Variants in HECW1 observed in about 807,000 individuals in gnomAD.
The protein encoded by HECW1 is E3 ubiquitin-protein ligase HECW1.
Under a neutral mutation model 182.3 loss-of-function variants are expected in HECW1, and 61 were observed. That is an observed-to-expected ratio of 0.33 (90% CI 0.27 to 0.41). The LOEUF (loss-of-function observed/expected upper bound fraction) is 0.41, where lower values mean the gene tolerates loss of function less well. Ranked by LOEUF, HECW1 falls within the 10% of genes least tolerant of loss-of-function variation. HECW1 has a pLI of 1.00. For missense variants in HECW1, 1,739 were observed against 2,108.9 expected (o/e 0.82, Z 3.44); for synonymous variants, 859 against 832.6 (o/e 1.03, Z -0.55).
intron 17 of HECW1, chr7:43,484,493 A>G (rs1249552939): frequency 6.6e-6 from 1 of 152,232 alleles, no homozygotes; most frequent in Non-Finnish European, 1.5e-5. Flanking sequence ...TTCTTAGACT[A>G]CAACTTACAA....
intron 2 of HECW1, among the ~76,000 whole-genome samples, chr7:43,140,802 G>A (rs1004473477): frequency 1.3e-5 from 2 of 152,124 alleles, no homozygotes; most frequent in Non-Finnish European, 2.9e-5. Context: ...TGAGGTCAAG[G>A]TTCCCACTGA....
chr7:43,172,618 CAA>C (rs1056353594), intron 2 of HECW1, among the ~76,000 whole-genome samples: 3 of 151,964 alleles, frequency 2.0e-5, no homozygotes, highest in Admixed American at 6.6e-5. Flanking sequence ...GAAAAATAAA[CAA>C]AAAGACATGA....
At chr7:43,225,233 C>A (rs535358670) in intron 2 of HECW1, among the ~76,000 whole-genome samples, 1 of 152,022 alleles carries the variant, frequency 6.6e-6, no homozygotes, top group Non-Finnish European at 1.5e-5. Context: ...TTACAACCAT[C>A]GAGTTAAAAA....
In HECW1 at chr7:43,563,805, G is replaced by T. The variant is rs184134487; in HGVS notation, c.*1879G>T. The T allele has an allele frequency of 7.2e-4, 128 of 177,902 alleles. No individual in the cohort carries two copies. The highest frequency in any genetic ancestry group is 2.8e-3 in the African/African-American group (117 of 42,364). 11.0% of individuals were successfully genotyped at this position (177,902 alleles called of 1,614,324 possible). ...AATCGCTCAAACCTGAGAAGCAGAG[G>T]TTGCAGTGAGCCAAGACTGTGCCAC... On this transcript the variant is annotated 3_prime_UTR_variant, in exon 30 of 30. Transcript: ENST00000395891.
At chr7:43,504,342 T>C (rs931728418) in intron 21 of HECW1, among the ~76,000 whole-genome samples, 1 of 152,236 alleles carries the variant, frequency 6.6e-6, no homozygotes, top group Non-Finnish European at 1.5e-5. Flanking sequence ...TCTCTTCCAA[T>C]GTGCTTGATC....
At chr7:43,350,797 T>C (rs147525678) in intron 5 of HECW1, among the ~76,000 whole-genome samples, 1 of 152,248 alleles carries the variant, frequency 6.6e-6, no homozygotes, top group Non-Finnish European at 1.5e-5. Flanking sequence ...TTTCCTTGCA[T>C]TGGGCTTCGC....
rs780403511 is a variant in HECW1 at position 43,492,077 on chromosome 7, C to T, written c.3237C>T (p.Ala1079=). The T allele has an allele frequency of 6.2e-7, 1 of 1,603,954 alleles. No homozygotes were observed. Among genetic ancestry groups the T allele is most frequent in the Non-Finnish European group, 8.5e-7 (1 of 1,174,852 alleles). ...QRLRSYSAGE[A]SEVSRNRGAS... ...TTATGCTTTTATTCTAAAATTAGGC[C>T]TCAGAAGTTTCTAGAAACAGAGGAG... Residue 1079 remains alanine, a splice_region_variant and synonymous_variant, in exon 18 of 30, where the codon GCC becomes GCT. Transcript: ENST00000395891.
chr7:43,394,934 A>G lies in HECW1; in HGVS notation c.556-1880A>G, dbSNP rs187699006. 4.9e-4 allele frequency among the ~76,000 whole-genome samples: 75 copies of G among 152,216 alleles called. 1 individual carries two copies. In the Middle Eastern group the frequency reaches 0.014, roughly 28 times the overall value. ...TAGTGGGTTGGAGGGGGTGGAAGCTAGTGAGCCAGGAATGCTGATTGGTCA... is the reference window on the plus strand; with the variant it reads ...TAGTGGGTTGGAGGGGGTGGAAGCTGGTGAGCCAGGAATGCTGATTGGTCA... On this transcript the variant is annotated intron_variant, in intron 6 of 29. Coordinates refer to ENST00000395891, the MANE Select transcript of HECW1 (RefSeq NM_015052.5).
intron 7 of HECW1, among the ~76,000 whole-genome samples, chr7:43,401,682 T>C (rs1321399043): frequency 6.7e-6 from 1 of 149,796 alleles, no homozygotes; most frequent in African/African-American, 2.5e-5. Context: ...TCTTCTGAGA[T>C]GCCAAAATAA....
At chr7:43,497,807 T>C (rs1372187612) in intron 19 of HECW1, among the ~76,000 whole-genome samples, 1 of 152,034 alleles carries the variant, frequency 6.6e-6, no homozygotes, top group East Asian at 1.9e-4. Context: ...TGCAGGTGAA[T>C]GGATAATGGC....
intron 3 of HECW1, among the ~76,000 whole-genome samples, chr7:43,298,968 A>G (rs1806387098): frequency 6.6e-6 from 1 of 152,248 alleles, no homozygotes; most frequent in African/African-American, 2.4e-5. Context: ...TCAAGCCTCA[A>G]ATGAAAAGGA....
chr7:43,378,310 A>G (rs7794076), intron 6 of HECW1, among the ~76,000 whole-genome samples: 90,615 of 152,182 alleles, frequency 0.6, 27,335 homozygotes, highest in African/African-American at 0.68. Context: ...CACAGTGACT[A>G]CTGGATGAGG....
At position 43,500,297 on chromosome 7, in the gene HECW1, A is replaced by G. The variant is rs189043621; in HGVS notation, c.3438-402A>G. Among the ~76,000 whole-genome samples, 150 of 152,068 alleles carry G rather than the reference A, an allele frequency of 9.9e-4. No individual in the cohort carries two copies. In the Middle Eastern group the frequency reaches 0.02, roughly 21 times the overall value. On this transcript the variant is annotated intron_variant, in intron 19 of 29. Coordinates refer to ENST00000395891, the MANE Select transcript of HECW1 (RefSeq NM_015052.5). Reference sequence around the variant, plus strand: ...GTATTGTTAGTAGAGACAAGGTTTCACCATATTCCTCAGGCTGGTCTTGAA... The same window carrying G: ...GTATTGTTAGTAGAGACAAGGTTTCGCCATATTCCTCAGGCTGGTCTTGAA...
At chr7:43,528,904 A>T (rs2080869433) in intron 24 of HECW1, among the ~76,000 whole-genome samples, 1 of 152,246 alleles carries the variant, frequency 6.6e-6, no homozygotes, top group Non-Finnish European at 1.5e-5. Context: ...GGAAGCTATG[A>T]AAACCAAATA....
intron 29 of HECW1, among the ~76,000 whole-genome samples, chr7:43,557,969 A>T (rs1203298658): frequency 6.6e-6 from 1 of 152,242 alleles, no homozygotes; most frequent in East Asian, 1.9e-4. Flanking sequence ...AAAGGAATGG[A>T]AACTGATCAA....
chr7:43,353,212 T>C (rs941197152), intron 5 of HECW1, among the ~76,000 whole-genome samples: 25 of 152,246 alleles, frequency 1.6e-4, no homozygotes, highest in African/African-American at 6.0e-4. Context: ...CTTTCATTTG[T>C]AGCCCACCCC....
At chr7:43,451,500 T>A (rs1040338221) in intron 12 of HECW1, among the ~76,000 whole-genome samples, 1 of 152,244 alleles carries the variant, frequency 6.6e-6, no homozygotes, top group African/African-American at 2.4e-5. Context: ...TCCTGGTAAC[T>A]GTAGTGGGTA....
chr7:43,314,015 C>T (rs930015452), intron 4 of HECW1, among the ~76,000 whole-genome samples: 4 of 152,108 alleles, frequency 2.6e-5, no homozygotes, highest in African/African-American at 9.7e-5. Context: ...AATGGAGTCT[C>T]ACTATATTGC....
intron 24 of HECW1, among the ~76,000 whole-genome samples, chr7:43,517,520 T>C (rs376158399): frequency 2.6e-5 from 4 of 152,328 alleles, no homozygotes; most frequent in Admixed American, 1.3e-4. Context: ...TAGAGTTTTA[T>C]GGAACTTAAG....
Sources: allele counts gnomAD v4.1 joint callset (sites outside exome capture counted in the v4.1 genomes callset), GRCh38; gene constraint gnomAD v4.1.1; transcripts MANE v1.5; gene names NCBI Gene and HGNC (gene_info 2026-07-23, HGNC 2026-07-21).